DNAJC6: variants seen among roughly 807,000 people sequenced by gnomAD.
DNAJC6 encodes the protein DnaJ heat shock protein family (Hsp40) member C6.
In DNAJC6, 34 loss-of-function variants were observed where a neutral mutation model predicts 110.0. That is an observed-to-expected ratio of 0.31 (90% CI 0.24 to 0.41). DNAJC6 has a LOEUF of 0.41. DNAJC6 is among the 10% of genes least tolerant of loss of function. DNAJC6 has a pLI of 1.00. For missense variants in DNAJC6, 1,031 were observed against 1,207.8 expected (o/e 0.85, Z 2.17); for synonymous variants, 406 against 437.2 (o/e 0.93, Z 0.89).
chr1:65,379,087 CT>C (rs1464151829), intron 4 of DNAJC6, among the ~76,000 whole-genome samples: 1 of 152,072 alleles, frequency 6.6e-6, no homozygotes, highest in African/African-American at 2.4e-5. Context: ...ACATTTTATG[CT>C]TAATAGAAAT....
chr1:65,384,095 C>G, intron 5 of DNAJC6, 98 bp from the exon 6 acceptor site: 3 of 1,287,346 alleles, frequency 2.3e-6, no homozygotes, highest in South Asian at 2.6e-5. Flanking sequence ...AAGAGGATTT[C>G]TCCTCTCTCT....
chr1:65,329,366 A>T (rs893018280), intron 1 of DNAJC6, among the ~76,000 whole-genome samples: 50 of 152,300 alleles, frequency 3.3e-4, no homozygotes, highest in African/African-American at 1.2e-3. Context: ...TGCTTGATAT[A>T]TATTATAATA....
At chr1:65,411,195 CCTT>C (rs775448185) in intron 17 of DNAJC6, 52 bp from the exon 18 acceptor site, 15 of 1,555,084 alleles carry the variant, frequency 9.6e-6, no homozygotes, top group Admixed American at 8.9e-5. Context: ...CTAGTGGAAA[CCTT>C]CTGAACTAGT....
At chr1:65,301,723 C>T (rs1364507685) in intron 1 of DNAJC6, among the ~76,000 whole-genome samples, 8 of 152,110 alleles carry the variant, frequency 5.3e-5, no homozygotes, top group Admixed American at 5.2e-4. Flanking sequence ...AAACCCTGTC[C>T]TCTTGGGCCT....
chr1:65,321,439 T>C (rs1270422661), intron 1 of DNAJC6, among the ~76,000 whole-genome samples: 1 of 141,020 alleles, frequency 7.1e-6, no homozygotes, highest in Non-Finnish European at 1.6e-5. Flanking sequence ...CAAGGAATCC[T>C]CCTGCCTTTG....
intron 18 of DNAJC6, among the ~76,000 whole-genome samples, 170 bp from the exon 19 acceptor site, chr1:65,412,754 G>A (rs1646139948): frequency 6.6e-6 from 1 of 152,128 alleles, no homozygotes; most frequent in Non-Finnish European, 1.5e-5. Context: ...GGTCATTATG[G>A]GGAGGTTATA....
chr1:65,329,641 A>G (rs1347442661), intron 1 of DNAJC6, among the ~76,000 whole-genome samples: 1 of 152,184 alleles, frequency 6.6e-6, no homozygotes, highest in East Asian at 1.9e-4. Flanking sequence ...CAAATCCAAA[A>G]CTGTCTGTTA....
At chr1:65,388,611 C>T (rs1645894395) in intron 9 of DNAJC6, among the ~76,000 whole-genome samples, 196 bp downstream of exon 9, 1 of 152,090 alleles carries the variant, frequency 6.6e-6, no homozygotes, top group Admixed American at 6.6e-5. Flanking sequence ...TACAAAGGGA[C>T]CAAAGACTTC....
At chr1:65,279,253 C>A in intron 1 of DNAJC6, 2 of 735,670 alleles carry the variant, frequency 2.7e-6, no homozygotes, top group South Asian at 1.2e-4. Context: ...GCTGTGACTC[C>A]TGCTGCTGTG....
intron 1 of DNAJC6, among the ~76,000 whole-genome samples, chr1:65,321,198 A>AATTT (rs1395772540): frequency 6.6e-6 from 1 of 152,174 alleles, no homozygotes; most frequent in East Asian, 1.9e-4. Context: ...GTCTTTTAAA[A>AATTT]ATTTATTTAT....
At chr1:65,287,389 A>G (rs7511810) in intron 1 of DNAJC6, among the ~76,000 whole-genome samples, 54,398 of 151,996 alleles carry the variant, frequency 0.36, 10,122 homozygotes, top group Non-Finnish European at 0.44. Flanking sequence ...GTTGTAGTTC[A>G]TTTTGGCCTC....
At chr1:65,292,376 T>C (rs1208325706) in intron 1 of DNAJC6, among the ~76,000 whole-genome samples, 1 of 150,672 alleles carries the variant, frequency 6.6e-6, no homozygotes, top group East Asian at 2.0e-4. Context: ...TTGTAGAAAC[T>C]CTGGAAAACA....
intron 13 of DNAJC6, among the ~76,000 whole-genome samples, chr1:65,396,004 A>T (rs939315635): frequency 6.6e-6 from 1 of 152,232 alleles, no homozygotes; most frequent in Non-Finnish European, 1.5e-5. Context: ...GCTTGCTTGG[A>T]GAATGCAGTC....
At chr1:65,379,044 A>G (rs1645793131) in intron 4 of DNAJC6, among the ~76,000 whole-genome samples, 1 of 152,334 alleles carries the variant, frequency 6.6e-6, no homozygotes, top group South Asian at 2.1e-4. Flanking sequence ...AGGACTTATA[A>G]CCCTATAATT....
intron 17 of DNAJC6, 131 bp downstream of exon 17, chr1:65,408,914 C>T (rs1646101853): frequency 2.7e-6 from 3 of 1,104,072 alleles, no homozygotes; most frequent in African/African-American, 1.6e-5. Flanking sequence ...AACAAAATAC[C>T]ATAAACTAGG....
At chr1:65,405,813 C>G (rs1646070057) in intron 15 of DNAJC6, 57 bp from the exon 16 acceptor site, 1 of 1,531,484 alleles carries the variant, frequency 6.5e-7, no homozygotes, top group African/African-American at 1.4e-5. Flanking sequence ...TCTTAAGACA[C>G]AAGAGTTAGA....
intron 13 of DNAJC6, among the ~76,000 whole-genome samples, chr1:65,396,488 C>T (rs1332441945): frequency 6.6e-6 from 1 of 152,256 alleles, no homozygotes; most frequent in Admixed American, 6.5e-5. Context: ...GGCCTCTTTG[C>T]TGTTGCACTG....
intron 1 of DNAJC6, among the ~76,000 whole-genome samples, chr1:65,291,905 C>T (rs1265959339): frequency 1.3e-5 from 2 of 152,160 alleles, no homozygotes; most frequent in African/African-American, 2.4e-5. Flanking sequence ...TTTCTTCTTT[C>T]GTTCCTACTT....
At chr1:65,366,603 G>A (rs114183079) in intron 4 of DNAJC6, among the ~76,000 whole-genome samples, 1 of 152,188 alleles carries the variant, frequency 6.6e-6, no homozygotes, top group African/African-American at 2.4e-5. Flanking sequence ...GGATAGACCG[G>A]TACTGACAAG....
Sources: gnomAD v4.1 joint callset for allele counts (sites outside exome capture counted in the v4.1 genomes callset) on GRCh38, gnomAD v4.1.1 for gene constraint, MANE v1.5 for transcripts, NCBI Gene and HGNC (gene_info 2026-07-23, HGNC 2026-07-21) for gene names.